PCBP3: variants seen among roughly 807,000 people sequenced by gnomAD.
PCBP3 encodes the protein poly(rC) binding protein 3, also known as poly(rC)-binding protein 3.
A neutral mutation model predicts 52.7 loss-of-function variants in PCBP3; 25 were observed. The observed-to-expected ratio is 0.47, with a 90% CI of 0.35 to 0.66. The LOEUF is 0.66. PCBP3 is among the 30% of genes least tolerant of loss of function. The pLI, the probability that PCBP3 is intolerant of heterozygous loss-of-function variation, is 0.01. For synonymous variants in PCBP3, 162 were observed against 183.0 expected (o/e 0.89, Z 0.93); for missense variants, 391 against 490.3 (o/e 0.80, Z 1.91).
At chr21:45,651,047 G>C (rs1191600634) in intron 1 of PCBP3, among the ~76,000 whole-genome samples, 1 of 152,166 alleles carries the variant, frequency 6.6e-6, no homozygotes, top group African/African-American at 2.4e-5. Context: ...CTTCAGGTGA[G>C]AACACAGCCT....
intron 5 of PCBP3, among the ~76,000 whole-genome samples, chr21:45,867,981 A>G (rs999435261): frequency 6.6e-6 from 1 of 152,274 alleles, no homozygotes; most frequent in Non-Finnish European, 1.5e-5. Flanking sequence ...AAAAGGCGCA[A>G]GCCAGATGGT....
At chr21:45,779,011 G>T (rs1293141164) in intron 4 of PCBP3, among the ~76,000 whole-genome samples, 1 of 152,220 alleles carries the variant, frequency 6.6e-6, no homozygotes, top group African/African-American at 2.4e-5. Flanking sequence ...AGCCCTGGTG[G>T]CAGTAGGCTG....
rs140555079 is a variant in PCBP3, at chr21:45,880,374, G to A, written c.11-15834G>A. On this transcript the variant is annotated intron_variant, in intron 5 of 17. Coordinates refer to ENST00000681687, the MANE Select transcript of PCBP3 (RefSeq NM_001384156.1). The surrounding 1 kb of genome is among the most constrained non-coding windows in gnomAD (Gnocchi z 5.4). ...ACCCAGCCCTGTGCCGCCTCTGTGG[G>A]CCACAGGGACCCCCACAGCAGACCC... Among the ~76,000 whole-genome samples, 6 of 152,342 alleles carry A rather than the reference G, an allele frequency of 3.9e-5. No individual in the cohort carries two copies. The East Asian group carries it at 1.2e-3, about 29-fold the overall frequency.
In PCBP3 at chr21:45,656,685, T is replaced by A. The variant is rs2080041836; in HGVS notation, c.-278-12189T>A. On this transcript the variant is annotated intron_variant, in intron 1 of 17. Coordinates refer to ENST00000681687, the MANE Select transcript of PCBP3 (RefSeq NM_001384156.1). This position sits in a 1 kb window ranked among gnomAD's most constrained non-coding sequence, Gnocchi z 4.3. The stretch of plus-strand genomic sequence containing the variant: ...GAAAACAAAAACAAAAATAAATAAA[T>A]CCTTTGCCCATTTAAAAACTGGATT... 1.3e-5 allele frequency among the ~76,000 whole-genome samples: 2 copies of A among 151,988 alleles called. No homozygotes were observed.
At chr21:45,916,231 G>C (rs552040641) in intron 12 of PCBP3, 1 of 152,262 alleles carries the variant, frequency 6.6e-6, no homozygotes, top group African/African-American at 2.4e-5. Context: ...GACCCCGTGC[G>C]CTGAGGGGGC....
intron 13 of PCBP3, among the ~76,000 whole-genome samples, chr21:45,927,840 G>A (rs909701813): frequency 2.0e-5 from 3 of 152,164 alleles, no homozygotes; most frequent in African/African-American, 7.2e-5. Context: ...GCCACAAGCT[G>A]AGCCATCTTG....
At chr21:45,834,732 C>T (rs1280181654) in intron 4 of PCBP3, among the ~76,000 whole-genome samples, 1 of 152,236 alleles carries the variant, frequency 6.6e-6, no homozygotes, top group Non-Finnish European at 1.5e-5. Context: ...AGAGGGGGCC[C>T]ACGAGGGAGG....
In PCBP3 at chr21:45,813,229, G is replaced by A. The variant is rs929359792; in HGVS notation, c.-125-36732G>A. ...TTTTTAAGCTTTTTTTTATCTATCT[G>A]TGCGTAGTTTGAATAGCGTCTGTTG... On this transcript the variant is annotated intron_variant, in intron 4 of 17. Transcript: ENST00000681687. Among the ~76,000 whole-genome samples, 37 of 152,002 alleles carry A rather than the reference G, an allele frequency of 2.4e-4. 1 individual carries two copies. Among genetic ancestry groups the A allele is most frequent in the Non-Finnish European group, 1.2e-4 (8 of 68,014 alleles).
chr21:45,867,693 T>C (rs2094802240), intron 5 of PCBP3, among the ~76,000 whole-genome samples: 1 of 152,258 alleles, frequency 6.6e-6, no homozygotes, highest in African/African-American at 2.4e-5. Flanking sequence ...GCTGCGCCCA[T>C]CGTGGAGACG....
intron 13 of PCBP3, among the ~76,000 whole-genome samples, chr21:45,924,639 CG>C (rs2075091184): frequency 5.3e-5 from 3 of 56,970 alleles, no homozygotes; most frequent in Non-Finnish European, 9.4e-5. Flanking sequence ...CGGGAACAGT[CG>C]AGTGGGTAGA....
At chr21:45,925,204 C>T (rs1014366738) in intron 13 of PCBP3, among the ~76,000 whole-genome samples, 1 of 151,870 alleles carries the variant, frequency 6.6e-6, no homozygotes, top group African/African-American at 2.4e-5. Context: ...GTCGGGTGTG[C>T]GTGAGGAGAT....
intron 2 of PCBP3, among the ~76,000 whole-genome samples, chr21:45,670,481 A>G: frequency 6.6e-6 from 1 of 152,158 alleles, no homozygotes. Context: ...TATTTTGAGG[A>G]ATAATTTGAA....
chr21:45,909,751 C>T (rs2096295412), intron 10 of PCBP3, among the ~76,000 whole-genome samples: 2 of 144,528 alleles, frequency 1.4e-5, no homozygotes, highest in African/African-American at 2.6e-5. Flanking sequence ...CCACCCACTG[C>T]CCAGATACGG....
chr21:45,929,009 C>CA (rs2075833880), intron 13 of PCBP3, among the ~76,000 whole-genome samples: 1 of 152,208 alleles, frequency 6.6e-6, no homozygotes, highest in Non-Finnish European at 1.5e-5. Context: ...TGAGGAGCAC[C>CA]ATGCCCTCTG....
intron 2 of PCBP3, among the ~76,000 whole-genome samples, chr21:45,730,404 A>AT (rs917654708): frequency 2.2e-4 from 33 of 151,944 alleles, no homozygotes; most frequent in African/African-American, 7.7e-4. Flanking sequence ...GTCAGGAAAC[A>AT]TTTTTTTTAT....
At chr21:45,660,028 A>G (rs1268952730) in intron 1 of PCBP3, among the ~76,000 whole-genome samples, 2 of 152,048 alleles carry the variant, frequency 1.3e-5, no homozygotes, top group Admixed American at 1.3e-4. Flanking sequence ...TCCATCCTGT[A>G]TTGAAAACGG....
chr21:45,850,201 CTG>C, intron 5 of PCBP3, 106 bp downstream of exon 5: 1 of 903,536 alleles, frequency 1.1e-6, no homozygotes, highest in Admixed American at 2.0e-5. Context: ...TGACACAGTG[CTG>C]TATTTCACCC....
intron 2 of PCBP3, among the ~76,000 whole-genome samples, chr21:45,686,506 G>A (rs1368218401): frequency 6.6e-6 from 1 of 152,134 alleles, no homozygotes; most frequent in East Asian, 1.9e-4. Flanking sequence ...AATTTTCACA[G>A]TGTCTACAGT....
chr21:45,925,092 G>A (rs868733469), intron 13 of PCBP3, among the ~76,000 whole-genome samples: 7 of 71,484 alleles, frequency 9.8e-5, no homozygotes, highest in East Asian at 2.6e-4. Flanking sequence ...TGCGAACACC[G>A]GGAACAGTCG....
Sources: gnomAD v4.1 joint callset for allele counts (sites outside exome capture counted in the v4.1 genomes callset) on GRCh38, gnomAD v4.1.1 for gene constraint, Gnocchi (gnomAD v3.1) non-coding constraint, MANE v1.5 for transcripts, NCBI Gene and HGNC (gene_info 2026-07-23, HGNC 2026-07-21) for gene names.